SDK1: variants seen among roughly 807,000 people sequenced by gnomAD.
SDK1 encodes sidekick cell adhesion molecule 1.
Under a neutral mutation model 245.5 loss-of-function variants are expected in SDK1, and 157 were observed. The ratio of observed to expected loss-of-function variants is 0.64; its 90% CI spans 0.56 to 0.73. The LOEUF (loss-of-function observed/expected upper bound fraction) is 0.73, where lower values mean the gene tolerates loss of function less well. Among genes scored for constraint, SDK1 ranks in the 30% least tolerant of loss-of-function variants. SDK1 has a pLI of 0.00. For synonymous variants in SDK1, 1,647 were observed against 1,278.5 expected, an observed-to-expected ratio of 1.29 and a Z score of -6.15; for missense variants, 3,583 against 3,002.3, an observed-to-expected ratio of 1.19 and a Z score of -4.52.
At chr7:4,021,202 T>A (rs1309582651) in intron 17 of SDK1, among the ~76,000 whole-genome samples, 1 of 152,164 alleles carries the variant, frequency 6.6e-6, no homozygotes, top group Non-Finnish European at 1.5e-5. Flanking sequence ...GAGGTGAGAC[T>A]GTCATTCATG....
intron 4 of SDK1, among the ~76,000 whole-genome samples, chr7:3,651,205 C>T (rs971242725): frequency 4.7e-5 from 7 of 150,370 alleles, no homozygotes; most frequent in Admixed American, 6.6e-5. Flanking sequence ...CAGCAATGTA[C>T]GAATGATTGC....
chr7:3,400,680 ATG>A (rs889204087), intron 1 of SDK1, among the ~76,000 whole-genome samples: 1 of 152,148 alleles, frequency 6.6e-6, no homozygotes, highest in Non-Finnish European at 1.5e-5. Context: ...CTAGAAATAT[ATG>A]TGTCATAATT....
chr7:3,589,921 T>C (rs1780807360), intron 1 of SDK1, among the ~76,000 whole-genome samples: 2 of 152,180 alleles, frequency 1.3e-5, no homozygotes, highest in African/African-American at 4.8e-5. Flanking sequence ...AGATGGAATA[T>C]TGAGGTTATG....
chr7:4,025,408 G>C (rs73673251), intron 17 of SDK1, among the ~76,000 whole-genome samples: 1 of 152,174 alleles, frequency 6.6e-6, no homozygotes, highest in Admixed American at 6.5e-5. Flanking sequence ...CGGAGGACTG[G>C]GGTGGAGCAG....
At chr7:3,329,622 C>A (rs1194093079) in intron 1 of SDK1, among the ~76,000 whole-genome samples, 1 of 152,116 alleles carries the variant, frequency 6.6e-6, no homozygotes, top group Non-Finnish European at 1.5e-5. Flanking sequence ...GTAGAATCAT[C>A]CGGGATGTCA....
chr7:3,576,155 C>A (rs1247043505), intron 1 of SDK1, among the ~76,000 whole-genome samples: 2 of 152,078 alleles, frequency 1.3e-5, no homozygotes, highest in African/African-American at 4.8e-5. Context: ...TTCTACTAGA[C>A]CAGGTGTGCT....
chr7:3,312,740 T>C (rs1376173644), intron 1 of SDK1, among the ~76,000 whole-genome samples: 1 of 152,146 alleles, frequency 6.6e-6, no homozygotes. Context: ...TTACAATTCA[T>C]GAACTTTAGA....
chr7:3,777,244 A>G (rs559872103), intron 4 of SDK1, among the ~76,000 whole-genome samples: 13 of 152,340 alleles, frequency 8.5e-5, no homozygotes, highest in African/African-American at 2.9e-4. Context: ...TTGATCTTCA[A>G]GTGACTTTCG....
At chr7:3,433,649 A>G (rs1256608902) in intron 1 of SDK1, among the ~76,000 whole-genome samples, 1 of 152,188 alleles carries the variant, frequency 6.6e-6, no homozygotes, top group African/African-American at 2.4e-5. Context: ...TTTGTATGGC[A>G]GGCTTTAGGG....
rs28642712 is a variant in SDK1 at position 4,138,951 on chromosome 7, G to A, written c.4228+6528G>A. Among the ~76,000 whole-genome samples the A allele has an allele frequency of 4.9e-3, 749 of 152,276 alleles. 8 individuals are homozygous for A. Among genetic ancestry groups the A allele is most frequent in the African/African-American group, 0.017 (714 of 41,556 alleles). On this transcript the variant is annotated intron_variant, in intron 28 of 44. Coordinates refer to ENST00000404826, the MANE Select transcript of SDK1 (RefSeq NM_152744.4). Reference sequence around the variant, plus strand: ...TGCCCAGGGGCTTTCTGTGGCTGCCGGAGCCTGCTAGGTTTTGAGGACTGG... The same window carrying A: ...TGCCCAGGGGCTTTCTGTGGCTGCCAGAGCCTGCTAGGTTTTGAGGACTGG...
chr7:3,477,619 A>T (rs1385445133), intron 1 of SDK1, among the ~76,000 whole-genome samples: 1 of 149,644 alleles, frequency 6.7e-6, no homozygotes, highest in African/African-American at 2.5e-5. Flanking sequence ...GGCTTAAGGG[A>T]TTCTCCTGCC....
At chr7:3,341,228 C>A (rs575312171) in intron 1 of SDK1, among the ~76,000 whole-genome samples, 3 of 152,164 alleles carry the variant, frequency 2.0e-5, no homozygotes, top group Admixed American at 6.5e-5. Flanking sequence ...AAAATCTATG[C>A]CACCCACCAT....
chr7:4,011,245 T>C, intron 15 of SDK1, 132 bp downstream of exon 15: 1 of 1,170,360 alleles, frequency 8.5e-7, no homozygotes. Flanking sequence ...GGACAAACCG[T>C]GAGCAGAAAA....
In SDK1 at chr7:3,564,484, C is replaced by CA. The variant is rs201085467; in HGVS notation, c.299-54587dup. On this transcript the variant is annotated intron_variant, in intron 1 of 44. Coordinates refer to ENST00000404826, the MANE Select transcript of SDK1 (RefSeq NM_152744.4). ...ATCTTGGGTGACAGAGGGAGACTCTCAAAAAAAAATTTATTTTAATAAAAA... is the reference window on the plus strand; with the variant it reads ...ATCTTGGGTGACAGAGGGAGACTCTCAAAAAAAAAATTTATTTTAATAAAAA... Among the ~76,000 whole-genome samples, 108 of 149,532 alleles carry CA rather than the reference C, an allele frequency of 7.2e-4. No homozygotes were observed. In the East Asian group the frequency reaches 8.0e-3, roughly 11 times the overall value.
At chr7:3,933,105 C>T (rs1258002991) in intron 5 of SDK1, among the ~76,000 whole-genome samples, 1 of 139,884 alleles carries the variant, frequency 7.1e-6, no homozygotes, top group Non-Finnish European at 1.5e-5. Context: ...CATCCTCCGG[C>T]GGGAAATGCT....
chr7:3,322,301 G>C (rs538710419), intron 1 of SDK1, among the ~76,000 whole-genome samples: 1 of 152,206 alleles, frequency 6.6e-6, no homozygotes, highest in Admixed American at 6.5e-5. Flanking sequence ...TCTGGGTTGT[G>C]TTTTGTCATT....
intron 5 of SDK1, among the ~76,000 whole-genome samples, chr7:3,945,551 G>C (rs987356749): frequency 9.2e-5 from 14 of 151,896 alleles, no homozygotes; most frequent in African/African-American, 2.9e-4. Context: ...AGTTAGTCTT[G>C]GGAGTCACAA....
At chr7:3,326,651 C>T (rs561384523) in intron 1 of SDK1, among the ~76,000 whole-genome samples, 1 of 152,074 alleles carries the variant, frequency 6.6e-6, no homozygotes, top group African/African-American at 2.4e-5. Flanking sequence ...ACACTGCTTT[C>T]TAAATTAATT....
chr7:4,193,328 TA>T (rs1251223709), intron 35 of SDK1, among the ~76,000 whole-genome samples: 4 of 133,138 alleles, frequency 3.0e-5, no homozygotes, highest in African/African-American at 1.1e-4. Flanking sequence ...ATACAATATA[TA>T]AATATATTAA....
Sources: allele counts gnomAD v4.1 joint callset (sites outside exome capture counted in the v4.1 genomes callset), GRCh38; gene constraint gnomAD v4.1.1; transcripts MANE v1.5; gene names NCBI Gene and HGNC (gene_info 2026-07-23, HGNC 2026-07-21).